CPLANE1: variants seen among roughly 807,000 people sequenced by gnomAD.
The protein encoded by CPLANE1 is ciliogenesis and planar polarity effector complex subunit 1.
In CPLANE1, 263 loss-of-function variants were observed where a neutral mutation model predicts 362.5. The ratio of observed to expected loss-of-function variants is 0.73; its 90% CI spans 0.66 to 0.80. CPLANE1 has a LOEUF of 0.80. Ranked by LOEUF, CPLANE1 falls within the 30% of genes least tolerant of loss-of-function variation. CPLANE1 has a pLI of 0.00. For missense variants in CPLANE1, 3,461 were observed against 3,793.4 expected, an observed-to-expected ratio of 0.91 and a Z score of 2.30; for synonymous variants, 1,212 against 1,302.6, an observed-to-expected ratio of 0.93 and a Z score of 1.50.
chr5:37,125,531 T>G, intron 46 of CPLANE1, 122 bp from the exon 47 acceptor site: 1 of 850,950 alleles, frequency 1.2e-6, no homozygotes, highest in African/African-American at 1.7e-5. Flanking sequence ...TAGTATATAC[T>G]TATGTTCTCT....
intron 19 of CPLANE1, among the ~76,000 whole-genome samples, chr5:37,199,309 C>T (rs937930265): frequency 1.3e-5 from 2 of 152,028 alleles, no homozygotes; most frequent in Non-Finnish European, 2.9e-5. Context: ...AGTTAAAGCC[C>T]GCTACTCCAG....
At chr5:37,168,671 T>C in intron 34 of CPLANE1, 120 bp downstream of exon 34, 1 of 829,900 alleles carries the variant, frequency 1.2e-6, no homozygotes, top group Non-Finnish European at 1.9e-6. Flanking sequence ...TTTTATATGC[T>C]ATTTTCTATA....
At chr5:37,248,889 A>G (rs1287774896) in intron 1 of CPLANE1, among the ~76,000 whole-genome samples, 1 of 152,212 alleles carries the variant, frequency 6.6e-6, no homozygotes, top group African/African-American at 2.4e-5. Context: ...GAGCGAGGAA[A>G]ATTGACGTTC....
intron 44 of CPLANE1, chr5:37,141,837 T>A (rs1769828396): frequency 1.1e-6 from 1 of 936,172 alleles, no homozygotes; most frequent in Non-Finnish European, 1.3e-6. Flanking sequence ...TCCTTCTAAA[T>A]CTCAATCTCC....
chr5:37,218,488 C>T lies in CPLANE1; in HGVS notation c.2746+2836G>A, dbSNP rs375265895. On this transcript the variant is annotated intron_variant, in intron 15 of 52. Transcript: ENST00000651892. ...TCATACCATGCACCTTTTCCCTTTGCTGATTTTGCTGTTTTCTTTCACTGT... is the reference window on the plus strand; with the variant it reads ...TCATACCATGCACCTTTTCCCTTTGTTGATTTTGCTGTTTTCTTTCACTGT... Among the ~76,000 whole-genome samples, 8 of 152,282 alleles carry T rather than the reference C, an allele frequency of 5.3e-5. 1 individual carries two copies. In the East Asian group the frequency reaches 1.4e-3, roughly 26 times the overall value.
At chr5:37,133,576 G>C (rs895547331) in intron 46 of CPLANE1, among the ~76,000 whole-genome samples, 4 of 151,886 alleles carry the variant, frequency 2.6e-5, no homozygotes, top group African/African-American at 9.7e-5. Context: ...TTCTCAGCTT[G>C]AATGTTATTG....
intron 9 of CPLANE1, among the ~76,000 whole-genome samples, chr5:37,228,194 T>C (rs1399894161): frequency 6.6e-6 from 1 of 152,188 alleles, no homozygotes; most frequent in African/African-American, 2.4e-5. Flanking sequence ...ACTATCAGTA[T>C]ACTTTTTATT....
At chr5:37,186,456 C>T (rs1322462560) in intron 23 of CPLANE1, 62 bp from the exon 24 acceptor site, 1 of 778,212 alleles carries the variant, frequency 1.3e-6, no homozygotes, top group African/African-American at 1.7e-5. Flanking sequence ...TCTTCCATTC[C>T]ACAAATATTT....
rs183160901 is a variant in CPLANE1, at chr5:37,232,472, G to A, written c.939-1423C>T. On this transcript the variant is annotated intron_variant, in intron 8 of 52. Coordinates refer to ENST00000651892, the MANE Select transcript of CPLANE1 (RefSeq NM_001384732.1). ...GCAGAGGTTGCAGTGAGACGAGATCGCACTACTTCACTCCCACCTGGACGA... is the reference window on the plus strand; with the variant it reads ...GCAGAGGTTGCAGTGAGACGAGATCACACTACTTCACTCCCACCTGGACGA... Among the ~76,000 whole-genome samples, 49 of 147,772 alleles carry A rather than the reference G, an allele frequency of 3.3e-4. No individual in the cohort carries two copies. The East Asian group carries it at 8.0e-3, about 24-fold the overall frequency.
chr5:37,167,356 A>C, intron 34 of CPLANE1, 143 bp from the exon 35 acceptor site: 1 of 674,914 alleles, frequency 1.5e-6, no homozygotes, highest in Non-Finnish European at 2.4e-6. Flanking sequence ...AATTGATTTA[A>C]ACTGGCAATA....
At chr5:37,214,310 A>G (rs1793433522) in intron 15 of CPLANE1, among the ~76,000 whole-genome samples, 1 of 152,130 alleles carries the variant, frequency 6.6e-6, no homozygotes, top group Non-Finnish European at 1.5e-5. Context: ...ACAGAAAAAT[A>G]CAATAAAAAG....
At chr5:37,122,367 T>A (rs1762903426) in intron 48 of CPLANE1, 63 bp downstream of exon 48, 1 of 1,280,088 alleles carries the variant, frequency 7.8e-7, no homozygotes, top group Non-Finnish European at 1.1e-6. Context: ...TCCTAAGGCA[T>A]TAATCTATGC....
chr5:37,090,340 G>A, the CPLANE1 span, among the ~76,000 whole-genome samples: 5 of 152,114 alleles, frequency 3.3e-5, no homozygotes, highest in Non-Finnish European at 7.4e-5. Flanking sequence ...CACATACCGG[G>A]ACTAAAACAC....
chr5:37,106,809 C>A lies in CPLANE1; in HGVS notation c.*793G>T. The stretch of plus-strand genomic sequence containing the variant: ...TAGTGTGCTTTTATATTATACCAAA[C>A]ATTGATGAAGTAGTTGAAGGATACT... On this transcript the variant is annotated 3_prime_UTR_variant, in exon 53 of 53. Transcript: ENST00000651892. The A allele has an allele frequency of 1.0e-6, 1 of 962,102 alleles. No individual in the cohort carries two copies. Among genetic ancestry groups the A allele is most frequent in the Non-Finnish European group, 1.2e-6 (1 of 808,780 alleles). The allele number at this position is 962,102 out of a possible 1,614,324, so 59.6% of individuals were successfully genotyped here.
At chr5:37,141,300 C>T in intron 44 of CPLANE1, 1 of 985,372 alleles carries the variant, frequency 1.0e-6, no homozygotes, top group Non-Finnish European at 1.2e-6. Flanking sequence ...GAACCCTCTA[C>T]CATCTAGCCA....
Position 37,209,401 on chromosome 5 carries a change from T to C in CPLANE1, c.2921-2976A>G. The C allele has an allele frequency of 8.0e-7, 1 of 1,245,708 alleles. No homozygotes were observed. The highest frequency in any genetic ancestry group is 1.2e-6 in the Non-Finnish European group (1 of 846,710). 77.2% of individuals were successfully genotyped at this position (1,245,708 alleles called of 1,614,324 possible). ...TCCAACATGCTCCCCGTGGCTGATG[T>C]GTTGAGTCAAAATGAACTGCGCAAA... On this transcript the variant is annotated intron_variant, in intron 16 of 52. Transcript: ENST00000651892. The surrounding 1 kb of genome is among the most constrained non-coding windows in gnomAD (Gnocchi z 4.6).
chr5:37,142,791 C>T (rs929622262), intron 43 of CPLANE1: 2 of 170,580 alleles, frequency 1.2e-5, no homozygotes, highest in Non-Finnish European at 2.5e-5. Flanking sequence ...CAGAGAAATC[C>T]CATGGTGCCA....
At chr5:37,136,011 C>T (rs1767601983) in intron 46 of CPLANE1, among the ~76,000 whole-genome samples, 1 of 152,108 alleles carries the variant, frequency 6.6e-6, no homozygotes, top group South Asian at 2.1e-4. Context: ...ATCATTCTGC[C>T]CCGGCCCTTT....
intron 2 of CPLANE1, among the ~76,000 whole-genome samples, chr5:37,247,140 G>A (rs767504939): frequency 6.6e-6 from 1 of 152,086 alleles, no homozygotes; most frequent in Non-Finnish European, 1.5e-5. Flanking sequence ...TCCCTAAGTG[G>A]GGAATCTATG....
Sources: allele counts gnomAD v4.1 joint callset (sites outside exome capture counted in the v4.1 genomes callset), GRCh38; gene constraint gnomAD v4.1.1; non-coding constraint Gnocchi (gnomAD v3.1); transcripts MANE v1.5; gene names NCBI Gene and HGNC (gene_info 2026-07-23, HGNC 2026-07-21).